The following PLCL1 variants were observed in gnomAD, a reference collection of about 807,000 sequenced individuals.
The protein encoded by PLCL1 is phospholipase C like 1 (inactive).
In PLCL1, 41 loss-of-function variants were observed where a neutral mutation model predicts 84.4. That is an observed-to-expected ratio of 0.49 (90% CI 0.38 to 0.63). The LOEUF (loss-of-function observed/expected upper bound fraction) is 0.63. PLCL1 is among the 30% of genes least tolerant of loss of function. PLCL1 has a pLI of 0.00. For missense variants in PLCL1, 1,206 were observed against 1,367.8 expected, an observed-to-expected ratio of 0.88 and a Z score of 1.87; for synonymous variants, 490 against 488.3, an observed-to-expected ratio of 1.00 and a Z score of -0.05.
At chr2:197,965,651 T>G (rs934337823) in intron 1 of PLCL1, among the ~76,000 whole-genome samples, 2 of 152,154 alleles carry the variant, frequency 1.3e-5, no homozygotes, top group African/African-American at 4.8e-5. Flanking sequence ...TTATTTGAAG[T>G]TTTACTTCTT....
chr2:198,136,921 A>T (rs574806377), intron 5 of PLCL1, among the ~76,000 whole-genome samples: 1 of 152,292 alleles, frequency 6.6e-6, no homozygotes, highest in South Asian at 2.1e-4. Context: ...GATTAAAATT[A>T]TTAAATGCTT....
At chr2:198,016,189 G>A (rs1690993327) in intron 1 of PLCL1, among the ~76,000 whole-genome samples, 1 of 152,140 alleles carries the variant, frequency 6.6e-6, no homozygotes, top group Non-Finnish European at 1.5e-5. Context: ...TGAAGTTCTG[G>A]CTGATCCACA....
intron 1 of PLCL1, among the ~76,000 whole-genome samples, chr2:198,039,773 T>G (rs1691617839): frequency 6.6e-6 from 1 of 152,238 alleles, no homozygotes; most frequent in Admixed American, 6.5e-5. Flanking sequence ...ACTGGCTCAC[T>G]GAACATCTAT....
At chr2:198,072,915 T>C (rs1052704097) in intron 1 of PLCL1, among the ~76,000 whole-genome samples, 1 of 152,168 alleles carries the variant, frequency 6.6e-6, no homozygotes, top group African/African-American at 2.4e-5. Context: ...TGGAATTTTA[T>C]CAGATTGTGG....
intron 5 of PLCL1, among the ~76,000 whole-genome samples, chr2:198,135,995 C>A (rs1484121279): frequency 6.6e-6 from 1 of 152,144 alleles, no homozygotes; most frequent in Non-Finnish European, 1.5e-5. Flanking sequence ...AGGAAAGTTG[C>A]CACATTAATG....
chr2:198,029,532 AG>A (rs1267466852), intron 1 of PLCL1, among the ~76,000 whole-genome samples: 5 of 152,112 alleles, frequency 3.3e-5, no homozygotes, highest in Non-Finnish European at 7.4e-5. Context: ...CAGGAAAAGC[AG>A]GGTTTTAGAC....
intron 1 of PLCL1, among the ~76,000 whole-genome samples, chr2:197,847,629 G>A (rs1280398904): frequency 6.6e-6 from 1 of 152,178 alleles, no homozygotes; most frequent in African/African-American, 2.4e-5. Context: ...CACTGAAACT[G>A]AAATTTGGAG....
intron 3 of PLCL1, among the ~76,000 whole-genome samples, chr2:198,100,245 A>G (rs1287645964): frequency 6.6e-6 from 1 of 152,158 alleles, no homozygotes; most frequent in Non-Finnish European, 1.5e-5. Context: ...TACTGGAATT[A>G]CAATTTACTG....
chr2:197,914,425 G>T lies in PLCL1; in HGVS notation c.240+109086G>T, dbSNP rs556182559. 3.3e-5 allele frequency among the ~76,000 whole-genome samples: 5 copies of T among 152,016 alleles called. No individual in the cohort carries two copies. The South Asian group carries it at 1.0e-3, about 32-fold the overall frequency. On this transcript the variant is annotated intron_variant, in intron 1 of 5. Transcript: ENST00000428675. Reference sequence around the variant, plus strand: ...GCTCACCTCAACCTCTGCCTCTTGGGTTCAAGTGATTCTCCTGCCTCAGCC... The same window carrying T: ...GCTCACCTCAACCTCTGCCTCTTGGTTTCAAGTGATTCTCCTGCCTCAGCC...
At chr2:197,816,409 T>C (rs541848920) in intron 1 of PLCL1, among the ~76,000 whole-genome samples, 1 of 152,320 alleles carries the variant, frequency 6.6e-6, no homozygotes, top group South Asian at 2.1e-4. Flanking sequence ...AACTTTTATA[T>C]GCATGGGAAA....
chr2:198,112,115 G>A (rs1693637671), intron 5 of PLCL1, among the ~76,000 whole-genome samples: 1 of 151,886 alleles, frequency 6.6e-6, no homozygotes, highest in Non-Finnish European at 1.5e-5. Flanking sequence ...AATTGACCAA[G>A]TGGTATAACT....
chr2:198,036,710 T>G (rs922665798), intron 1 of PLCL1, among the ~76,000 whole-genome samples: 3 of 152,190 alleles, frequency 2.0e-5, no homozygotes, highest in African/African-American at 7.2e-5. Flanking sequence ...GAGTCAGTGT[T>G]AGGCACTACA....
At chr2:197,968,438 T>G (rs1046043970) in intron 1 of PLCL1, among the ~76,000 whole-genome samples, 13 of 152,190 alleles carry the variant, frequency 8.5e-5, no homozygotes, top group African/African-American at 2.9e-4. Flanking sequence ...CTAGGTTTCC[T>G]TATAAAATGA....
At chr2:197,813,046 A>G (rs780255481) in intron 1 of PLCL1, among the ~76,000 whole-genome samples, 81 of 152,168 alleles carry the variant, frequency 5.3e-4, no homozygotes, top group Non-Finnish European at 1.1e-3. Flanking sequence ...GGGCACACGC[A>G]TTAGGGCTAG....
chr2:197,814,942 G>A (rs1300732036), intron 1 of PLCL1, among the ~76,000 whole-genome samples: 1 of 152,168 alleles, frequency 6.6e-6, no homozygotes, highest in Non-Finnish European at 1.5e-5. Context: ...AGCTAGCAGA[G>A]GTTGGTTTAT....
chr2:197,899,635 C>CTTTTT lies in PLCL1; in HGVS notation c.240+94299_240+94300insTTTTT, dbSNP rs200198349. Among the ~76,000 whole-genome samples, 32 of 139,158 alleles carry CTTTTT rather than the reference C, an allele frequency of 2.3e-4. 2 individuals carry two copies. Among genetic ancestry groups the CTTTTT allele is most frequent in the African/African-American group, 2.4e-4 (9 of 37,016 alleles). 91.3% of individuals were successfully genotyped at this position (139,158 alleles called of 152,430 possible). A position where few individuals can be genotyped will look rare whatever the true frequency, so the allele number is the denominator to read the frequency against. On this transcript the variant is annotated intron_variant, in intron 1 of 5. Transcript: ENST00000428675. ...CAGGGCCTTGGCACATGAGTTCTTT[C>CTTTTT]TTTCTTTTTTTTTTTTTTGAGACGG...
At chr2:198,068,754 G>T (rs1030477735) in intron 1 of PLCL1, among the ~76,000 whole-genome samples, 3 of 152,258 alleles carry the variant, frequency 2.0e-5, no homozygotes, top group Non-Finnish European at 2.9e-5. Context: ...ACTGAGGCGG[G>T]CTTACGCCTA....
chr2:198,008,414 T>C (rs1274073092), intron 1 of PLCL1, among the ~76,000 whole-genome samples: 2 of 152,138 alleles, frequency 1.3e-5, no homozygotes, highest in Non-Finnish European at 1.5e-5. Flanking sequence ...TCTGTTTCTA[T>C]GAATTTGACC....
At chr2:198,115,854 T>G (rs1410137025) in intron 5 of PLCL1, among the ~76,000 whole-genome samples, 1 of 151,292 alleles carries the variant, frequency 6.6e-6, no homozygotes, top group Non-Finnish European at 1.5e-5. Flanking sequence ...ACGTGGGGAT[T>G]ATTACAATTC....
Sources: gnomAD v4.1 joint callset for allele counts (sites outside exome capture counted in the v4.1 genomes callset) on GRCh38, gnomAD v4.1.1 for gene constraint, MANE v1.5 for transcripts, NCBI Gene and HGNC (gene_info 2026-07-23, HGNC 2026-07-21) for gene names.